Variants in GMEB1 observed in about 807,000 individuals in gnomAD.
GMEB1 encodes the protein glucocorticoid modulatory element-binding protein 1.
GMEB1 carries 6 observed loss-of-function variants against 52.4 expected under a neutral mutation model. That is an observed-to-expected ratio of 0.11 (90% CI 0.06 to 0.23). GMEB1 has a LOEUF of 0.23. Among genes scored for constraint, GMEB1 ranks in the 10% least tolerant of loss-of-function variants. GMEB1 has a pLI of 1.00. For missense variants in GMEB1, 486 were observed against 685.6 expected (o/e 0.71, Z 3.25); for synonymous variants, 255 against 244.9 (o/e 1.04, Z -0.38).
chr1:28,684,517 C>G (rs569874961), intron 2 of GMEB1, among the ~76,000 whole-genome samples: 5 of 147,788 alleles, frequency 3.4e-5, no homozygotes, highest in Non-Finnish European at 5.9e-5. Context: ...GAGCCGAGAT[C>G]GCGCCACTGC....
At chr1:28,688,231 C>T (rs1669782585) in intron 2 of GMEB1, among the ~76,000 whole-genome samples, 1 of 152,096 alleles carries the variant, frequency 6.6e-6, no homozygotes. Flanking sequence ...TGCAGTGAGC[C>T]AAGATCGCGC....
intron 1 of GMEB1, among the ~76,000 whole-genome samples, chr1:28,675,052 C>T (rs1309539991): frequency 1.7e-5 from 2 of 120,398 alleles, no homozygotes; most frequent in Non-Finnish European, 3.3e-5. Flanking sequence ...GAGTCTTGCT[C>T]TGTCGTCCAG....
intron 2 of GMEB1, among the ~76,000 whole-genome samples, chr1:28,685,937 C>T (rs563354164): frequency 1.2e-4 from 18 of 152,098 alleles, no homozygotes; most frequent in East Asian, 9.7e-4. Flanking sequence ...CCAGCTTAGG[C>T]GACAGAGAGA....
At chr1:28,699,726 G>C (rs1288791650) in intron 6 of GMEB1, among the ~76,000 whole-genome samples, 2 of 151,590 alleles carry the variant, frequency 1.3e-5, no homozygotes, top group Non-Finnish European at 2.9e-5. Context: ...CACCATGCCT[G>C]GCCCTTTTTT....
At chr1:28,671,842 C>T (rs1306527214) in intron 1 of GMEB1, among the ~76,000 whole-genome samples, 1 of 151,854 alleles carries the variant, frequency 6.6e-6, no homozygotes, top group Admixed American at 6.6e-5. Context: ...TTGGGCTGGG[C>T]GCGGTAGCTC....
intron 1 of GMEB1, 42 bp downstream of exon 1, chr1:28,668,881 TGGGGGCGG>T (rs1242536204): frequency 1.9e-4 from 2 of 10,478 alleles, no homozygotes; most frequent in Non-Finnish European, 4.7e-4. Context: ...CGGGGTGGGG[TGGGGGCGG>T]GGGGGCGGGC....
chr1:28,702,412 T>G (rs766490508), intron 6 of GMEB1, 26 bp from the exon 7 acceptor site: 1 of 1,607,146 alleles, frequency 6.2e-7, no homozygotes, highest in South Asian at 1.1e-5. Flanking sequence ...AATTCACTGT[T>G]CTCACCTCTA....
At chr1:28,704,371 ACT>A in intron 8 of GMEB1, 42 bp downstream of exon 8, 1 of 1,563,118 alleles carries the variant, frequency 6.4e-7, no homozygotes, top group Non-Finnish European at 8.7e-7. Context: ...TTTATTGAAT[ACT>A]CACCTCCGTA....
At chr1:28,678,299 TTTTGTTTGTTTG>T (rs536317062) in intron 1 of GMEB1, among the ~76,000 whole-genome samples, 30 of 151,454 alleles carry the variant, frequency 2.0e-4, no homozygotes, top group Admixed American at 3.3e-4. Context: ...TTTCTAGTGT[TTTTGTTTGTTTG>T]TTTGTTTGTT....
intron 3 of GMEB1, 85 bp downstream of exon 3, chr1:28,690,271 G>A: frequency 1.8e-6 from 1 of 563,654 alleles, no homozygotes; most frequent in Non-Finnish European, 2.9e-6. Flanking sequence ...GAGTTTTCTT[G>A]CCATCTGTGC....
chr1:28,693,845 CTCTT>C (rs1425817931), intron 5 of GMEB1, among the ~76,000 whole-genome samples: 2 of 151,796 alleles, frequency 1.3e-5, no homozygotes, highest in Non-Finnish European at 2.9e-5. Context: ...TTTAAGGAAT[CTCTT>C]TCAAGAAAAA....
intron 8 of GMEB1, among the ~76,000 whole-genome samples, chr1:28,706,000 GA>G (rs1224059389): frequency 6.7e-6 from 1 of 148,592 alleles, no homozygotes; most frequent in Non-Finnish European, 1.5e-5. Flanking sequence ...TAAAAATACA[GA>G]AAATTAGCCG....
At chr1:28,679,837 T>A (rs1192040839) in intron 1 of GMEB1, among the ~76,000 whole-genome samples, 2 of 151,384 alleles carry the variant, frequency 1.3e-5, no homozygotes, top group Admixed American at 6.6e-5. Flanking sequence ...GTTTCACTCT[T>A]GTTGTCCGGG....
intron 4 of GMEB1, 95 bp downstream of exon 4, chr1:28,691,804 TTTTATTTATTTATTTATTTATTTA>T (rs61127323): frequency 2.5e-5 from 6 of 238,674 alleles, no homozygotes; most frequent in Non-Finnish European, 4.9e-5. Context: ...ACTATATCAG[TTTTATTTATTTATTTATTTATTTA>T]TTTATTTATT....
intron 1 of GMEB1, among the ~76,000 whole-genome samples, chr1:28,680,703 C>T (rs1669352552): frequency 6.6e-6 from 1 of 151,446 alleles, no homozygotes; most frequent in South Asian, 2.1e-4. Context: ...CCACTGCACT[C>T]CAGTCTGGGG....
At chr1:28,714,038 TC>T in intron 9 of GMEB1, 34 bp from the exon 10 acceptor site, 3 of 1,493,346 alleles carry the variant, frequency 2.0e-6, no homozygotes, top group Non-Finnish European at 2.8e-6. Context: ...AGATTTTACT[TC>T]CCTCTACACA....
intron 6 of GMEB1, among the ~76,000 whole-genome samples, chr1:28,698,853 G>C (rs375068344): frequency 6.6e-6 from 1 of 151,702 alleles, no homozygotes; most frequent in Non-Finnish European, 1.5e-5. Flanking sequence ...GTGTGGTGGC[G>C]CATGCCTGTA....
intron 1 of GMEB1, among the ~76,000 whole-genome samples, chr1:28,683,280 C>A (rs1669479952): frequency 6.6e-6 from 1 of 151,768 alleles, no homozygotes; most frequent in African/African-American, 2.4e-5. Context: ...GGCTGGGGTG[C>A]AATGGCATGA....
intron 8 of GMEB1, 146 bp downstream of exon 8, chr1:28,704,475 G>T (rs1211376891): frequency 3.5e-6 from 2 of 563,776 alleles, no homozygotes; most frequent in Non-Finnish European, 5.7e-6. Flanking sequence ...TATAAGTTAA[G>T]TCACTTGTCT....
Sources: gnomAD v4.1 joint callset for allele counts (sites outside exome capture counted in the v4.1 genomes callset) on GRCh38, gnomAD v4.1.1 for gene constraint, MANE v1.5 for transcripts, NCBI Gene and HGNC (gene_info 2026-07-23, HGNC 2026-07-21) for gene names.